Variants in SMIM13 observed in about 807,000 individuals in gnomAD.
SMIM13 encodes small integral membrane protein 13.
In SMIM13, 3 loss-of-function variants were observed where a neutral mutation model predicts 5.9. That is an observed-to-expected ratio of 0.51 (90% CI 0.23 to 1.31). The LOEUF is 1.31. SMIM13 is among the 40% of genes most tolerant of loss of function. The probability of loss-of-function intolerance (pLI) is 0.18; values close to 1 mark genes in which losing one functional copy is unlikely to be tolerated. For synonymous variants in SMIM13, 55 were observed against 46.0 expected, an observed-to-expected ratio of 1.19 and a Z score of -0.79; for missense variants, 85 against 109.9, an observed-to-expected ratio of 0.77 and a Z score of 1.01.
chr6:11,127,633 G>A (rs1478264562), intron 1 of SMIM13, among the ~76,000 whole-genome samples: 1 of 152,236 alleles, frequency 6.6e-6, no homozygotes, highest in African/African-American at 2.4e-5. Context: ...AAGAGAGAAT[G>A]AGGAAGACGC....
chr6:11,113,976 GT>G (rs70991084), intron 1 of SMIM13, among the ~76,000 whole-genome samples: 111 of 144,288 alleles, frequency 7.7e-4, no homozygotes, highest in Non-Finnish European at 1.3e-3. Context: ...TATTCTTTTT[GT>G]TTTTTTTTTT....
chr6:11,136,016 G>A lies in SMIM13; in HGVS notation c.*1414G>A, dbSNP rs1758513710. The stretch of plus-strand genomic sequence containing the variant: ...ACTTGTAATCCTGTGTGAAACACAT[G>A]TTTTTGGGGGGGAGGGGGTAACCAA... On this transcript the variant is annotated 3_prime_UTR_variant, in exon 2 of 2. Coordinates refer to ENST00000416247, the MANE Select transcript of SMIM13 (RefSeq NM_001135575.2). 1 of 152,142 alleles carries A rather than the reference G, an allele frequency of 6.6e-6. No individual in the cohort carries two copies. Among genetic ancestry groups the A allele is most frequent in the Admixed American group, 6.5e-5 (1 of 15,282 alleles). 9.4% of individuals were successfully genotyped at this position (152,142 alleles called of 1,614,324 possible).
At chr6:11,131,074 C>A (rs895746082) in intron 1 of SMIM13, among the ~76,000 whole-genome samples, 2 of 152,092 alleles carry the variant, frequency 1.3e-5, no homozygotes, top group Non-Finnish European at 2.9e-5. Flanking sequence ...CAAGATATTA[C>A]AAGTGATCAA....
chr6:11,128,193 C>G (rs534270036), intron 1 of SMIM13, among the ~76,000 whole-genome samples: 4 of 152,160 alleles, frequency 2.6e-5, no homozygotes, highest in Admixed American at 6.5e-5. Context: ...TTGGCTACCA[C>G]TGTTGACTAT....
intron 1 of SMIM13, among the ~76,000 whole-genome samples, chr6:11,118,759 T>C (rs1336289436): frequency 6.6e-6 from 1 of 152,234 alleles, no homozygotes; most frequent in African/African-American, 2.4e-5. Context: ...TTGGAGCCTA[T>C]GAGATGGTAA....
chr6:11,132,782 G>A (rs1462846740), intron 1 of SMIM13, among the ~76,000 whole-genome samples: 1 of 152,142 alleles, frequency 6.6e-6, no homozygotes, highest in Non-Finnish European at 1.5e-5. Context: ...GCAGGGATGG[G>A]GAGTGACTGT....
intron 1 of SMIM13, among the ~76,000 whole-genome samples, chr6:11,118,099 G>C (rs1221744010): frequency 6.6e-6 from 1 of 152,198 alleles, no homozygotes; most frequent in East Asian, 1.9e-4. Context: ...TCGAACTCCT[G>C]ACCTCAGGTC....
chr6:11,101,742 CTT>C (rs70991083), intron 1 of SMIM13, among the ~76,000 whole-genome samples: 24 of 139,140 alleles, frequency 1.7e-4, no homozygotes, highest in Admixed American at 2.9e-4. Context: ...TTAAGCAATT[CTT>C]TTTTTTTTTT....
At chr6:11,102,761 G>C (rs1403857386) in intron 1 of SMIM13, 1 of 152,220 alleles carries the variant, frequency 6.6e-6, no homozygotes, top group Non-Finnish European at 1.5e-5. Flanking sequence ...ACTGTTACCA[G>C]CAGCAAATCC....
chr6:11,095,973 C>T (rs1030553774), intron 1 of SMIM13, among the ~76,000 whole-genome samples: 6 of 152,204 alleles, frequency 3.9e-5, no homozygotes, highest in African/African-American at 1.2e-4. Context: ...CATACCTTCA[C>T]TAGGATATTT....
At position 11,094,205 on chromosome 6, in the gene SMIM13, G is replaced by A; in HGVS notation, c.-109G>A. Reference sequence around the variant, plus strand: ...GGCGCCAGCCGCCCATGCCGCCCCGGCGCCCAGCCGCGCCTGGCGCCCGCC... The same window carrying A: ...GGCGCCAGCCGCCCATGCCGCCCCGACGCCCAGCCGCGCCTGGCGCCCGCC... On this transcript the variant is annotated 5_prime_UTR_variant, in exon 1 of 2. Transcript: ENST00000416247. The A allele has an allele frequency of 2.8e-6, 1 of 360,548 alleles. No individual in the cohort carries two copies. The highest frequency in any genetic ancestry group is 3.9e-6 in the Non-Finnish European group (1 of 258,044). The allele number at this position is 360,548 out of a possible 1,614,324, so 22.3% of individuals were successfully genotyped here.
intron 1 of SMIM13, among the ~76,000 whole-genome samples, chr6:11,129,406 C>T (rs538848224): frequency 6.6e-6 from 1 of 152,342 alleles, no homozygotes; most frequent in African/African-American, 2.4e-5. Context: ...ATCTGTGCCA[C>T]ATTTTCTTTA....
intron 1 of SMIM13, among the ~76,000 whole-genome samples, chr6:11,110,449 A>C (rs553764833): frequency 6.6e-6 from 1 of 152,114 alleles, no homozygotes; most frequent in Non-Finnish European, 1.5e-5. Context: ...CTCATTTCCC[A>C]TGTTCTTTAA....
intron 1 of SMIM13, among the ~76,000 whole-genome samples, chr6:11,097,449 A>G (rs1424298666): frequency 2.0e-5 from 3 of 151,908 alleles, no homozygotes; most frequent in Admixed American, 6.6e-5. Context: ...TGAGATCAGG[A>G]GTTCGAGACC....
At position 11,115,736 on chromosome 6, in the gene SMIM13, G is replaced by T. The variant is rs181194613; in HGVS notation, c.77-18667G>T. Reference sequence around the variant, plus strand: ...TTTCACTTTTGTTGCCCGGGCTGGGGTGCAATTGCTCAGTCTCGGCTCACT... The same window carrying T: ...TTTCACTTTTGTTGCCCGGGCTGGGTTGCAATTGCTCAGTCTCGGCTCACT... On this transcript the variant is annotated intron_variant, in intron 1 of 1. Coordinates refer to ENST00000416247, the MANE Select transcript of SMIM13 (RefSeq NM_001135575.2). 5.8e-3 allele frequency among the ~76,000 whole-genome samples: 864 copies of T among 149,104 alleles called. 3 individuals carry two copies. The highest frequency in any genetic ancestry group is 0.023 in the South Asian group (109 of 4,720).
rs1758513109 is a variant in SMIM13 at position 11,135,978 on chromosome 6, C to T, written c.*1376C>T. The T allele has an allele frequency of 6.6e-6, 1 of 152,068 alleles. No individual in the cohort carries two copies. The highest frequency in any genetic ancestry group is 2.4e-5 in the African/African-American group (1 of 41,400). The allele number at this position is 152,068 out of a possible 1,614,324, so 9.4% of individuals were successfully genotyped here. ...TTTATTGGGGAATTTGATTCTGACTCTTACAATGTTAAACTTGTAATCCTG... is the reference window on the plus strand; with the variant it reads ...TTTATTGGGGAATTTGATTCTGACTTTTACAATGTTAAACTTGTAATCCTG... On this transcript the variant is annotated 3_prime_UTR_variant, in exon 2 of 2. Transcript: ENST00000416247.
At chr6:11,114,590 C>CT (rs1758212488) in intron 1 of SMIM13, among the ~76,000 whole-genome samples, 9 of 60,958 alleles carry the variant, frequency 1.5e-4, no homozygotes, top group African/African-American at 3.4e-4. Context: ...TGCACTTTTT[C>CT]TCTTTTTTTT....
At chr6:11,099,275 A>G (rs770977653) in intron 1 of SMIM13, among the ~76,000 whole-genome samples, 3 of 152,074 alleles carry the variant, frequency 2.0e-5, no homozygotes, top group Non-Finnish European at 2.9e-5. Context: ...CCTGGGTTCA[A>G]GGGATTCTTC....
chr6:11,094,414 G>A (rs1276864935), intron 1 of SMIM13, 25 bp downstream of exon 1: 1 of 1,525,566 alleles, frequency 6.6e-7, no homozygotes, highest in South Asian at 1.2e-5. Flanking sequence ...TAGCCGCGAG[G>A]CAGTTCCACA....
Sources: gnomAD v4.1 joint callset for allele counts (sites outside exome capture counted in the v4.1 genomes callset) on GRCh38, gnomAD v4.1.1 for gene constraint, MANE v1.5 for transcripts, NCBI Gene and HGNC (gene_info 2026-07-23, HGNC 2026-07-21) for gene names.